The following FAT1 variants were observed in gnomAD, a reference collection of about 807,000 sequenced individuals.
The protein encoded by FAT1 is protocadherin Fat 1.
A neutral mutation model predicts 329.8 loss-of-function variants in FAT1; 171 were observed. That is an observed-to-expected ratio of 0.52 (90% confidence interval 0.46 to 0.59). The LOEUF is 0.59. FAT1 is among the 20% of genes least tolerant of loss of function. The pLI, the probability that FAT1 is intolerant of heterozygous loss-of-function variation, is 0.00. For synonymous variants in FAT1, 2,233 were observed against 2,228.6 expected, an observed-to-expected ratio of 1.00 and a Z score of -0.06; for missense variants, 5,672 against 5,774.4, an observed-to-expected ratio of 0.98 and a Z score of 0.57.
At chr4:186,682,524 C>G (rs1743265906) in intron 2 of FAT1, among the ~76,000 whole-genome samples, 1 of 19,974 alleles carries the variant, frequency 5.0e-5, no homozygotes, top group African/African-American at 2.2e-4. Flanking sequence ...GAGACTCTGT[C>G]TCAAAAAAAA....
chr4:186,638,749 A>G (rs890861691), intron 4 of FAT1, among the ~76,000 whole-genome samples: 2 of 152,174 alleles, frequency 1.3e-5, no homozygotes, highest in African/African-American at 4.8e-5. Context: ...CAGCAATATT[A>G]AAAGAAATTT....
intron 2 of FAT1, among the ~76,000 whole-genome samples, chr4:186,692,842 C>T (rs377590400): frequency 2.0e-5 from 3 of 152,116 alleles, no homozygotes; most frequent in Non-Finnish European, 2.9e-5. Context: ...ATGAGAAAAA[C>T]GAACATCTGC....
At chr4:186,715,296 A>G (rs1745161121) in intron 1 of FAT1, among the ~76,000 whole-genome samples, 1 of 150,030 alleles carries the variant, frequency 6.7e-6, no homozygotes, top group Admixed American at 6.6e-5. Flanking sequence ...CCAAACATGC[A>G]ATTACCTTCC....
chr4:186,609,194 C>T lies in FAT1; in HGVS notation c.10195G>A (p.Asp3399Asn), dbSNP rs768392442. 22 of 1,611,896 alleles carry T rather than the reference C, an allele frequency of 1.4e-5. No homozygotes were observed. The highest frequency in any genetic ancestry group is 8.4e-5 in the Admixed American group (5 of 59,274). ...RGEVKVTKLL[D>N]RETISGYTLT... The stretch of plus-strand genomic sequence containing the variant: ...CCTTTTTCACTTACCGTTTCTCGGT[C>T]GAGAAGTTTGGTCACTTTGACTTCT... Residue 3399 changes from aspartate to asparagine, a missense_variant, in exon 16 of 27, where the codon GAC becomes AAC. This residue lies in a region of FAT1 where 1,706 missense variants were observed against 1,859.1 expected (regional missense o/e 0.92). Coordinates refer to ENST00000441802, the MANE Select transcript of FAT1 (RefSeq NM_005245.4).
chr4:186,664,568 T>C (rs1742341111), intron 2 of FAT1, among the ~76,000 whole-genome samples: 1 of 152,150 alleles, frequency 6.6e-6, no homozygotes, highest in Non-Finnish European at 1.5e-5. Context: ...AGGGTTAGAG[T>C]ATCTGTAATG....
intron 3 of FAT1, among the ~76,000 whole-genome samples, chr4:186,662,677 G>C (rs1163798848): frequency 1.3e-5 from 2 of 152,136 alleles, no homozygotes; most frequent in Non-Finnish European, 2.9e-5. Context: ...ATTCTTAGCA[G>C]CAGTAGAATT....
intron 2 of FAT1, among the ~76,000 whole-genome samples, chr4:186,703,915 A>AT: frequency 6.6e-6 from 1 of 152,274 alleles, no homozygotes; most frequent in South Asian, 2.1e-4. Context: ...AAATATACTG[A>AT]TTTTTCCTAA....
At chr4:186,621,906 A>G (rs1740069097) in intron 9 of FAT1, 131 bp from the exon 10 acceptor site, 2 of 592,196 alleles carry the variant, frequency 3.4e-6, no homozygotes, top group Middle Eastern at 4.4e-4. Flanking sequence ...GGGGATGTCA[A>G]TATTTGAATG....
Position 186,613,389 on chromosome 4 carries a change from T to C in FAT1, c.9230-47A>G, listed in dbSNP as rs762627904. On this transcript the variant is annotated intron_variant, in intron 12 of 26. Coordinates refer to ENST00000441802, the MANE Select transcript of FAT1 (RefSeq NM_005245.4). Reference sequence around the variant, plus strand: ...CTCACTTGTAATTTAAGACGTGACTTGCAGTTGTACATCTTATTTCCTCCC... The same window carrying C: ...CTCACTTGTAATTTAAGACGTGACTCGCAGTTGTACATCTTATTTCCTCCC... 2.2e-6 allele frequency: 3 copies of C among 1,370,004 alleles called. No homozygotes were observed. The East Asian group carries it at 6.9e-5, about 31-fold the overall frequency. 84.9% of individuals were successfully genotyped at this position (1,370,004 alleles called of 1,614,324 possible). A position where few individuals can be genotyped will look rare whatever the true frequency, so the allele number is the denominator to read the frequency against.
At chr4:186,623,534 T>C (rs1038865809) in intron 9 of FAT1, among the ~76,000 whole-genome samples, 1 of 152,312 alleles carries the variant, frequency 6.6e-6, no homozygotes, top group Non-Finnish European at 1.5e-5. Flanking sequence ...ACTTCTCTCT[T>C]ATTGTACAGG....
At chr4:186,682,815 C>G (rs1743291827) in intron 2 of FAT1, among the ~76,000 whole-genome samples, 1 of 152,188 alleles carries the variant, frequency 6.6e-6, no homozygotes. Flanking sequence ...ACAAACACCA[C>G]TGAGGGCCCC....
At chr4:186,712,861 A>G (rs991937083) in intron 1 of FAT1, among the ~76,000 whole-genome samples, 1 of 152,134 alleles carries the variant, frequency 6.6e-6, no homozygotes, top group Non-Finnish European at 1.5e-5. Context: ...GCAGAAAGTC[A>G]CACCCCGCAG....
At chr4:186,630,633 C>G (rs1366953259) in intron 7 of FAT1, among the ~76,000 whole-genome samples, 1 of 152,140 alleles carries the variant, frequency 6.6e-6, no homozygotes, top group African/African-American at 2.4e-5. Flanking sequence ...TACTGGGTGA[C>G]AGGCTCTCAG....
chr4:186,612,608 A>C (rs1262249974), intron 13 of FAT1, among the ~76,000 whole-genome samples: 1 of 152,226 alleles, frequency 6.6e-6, no homozygotes, highest in Non-Finnish European at 1.5e-5. Context: ...ATCCAAAAAT[A>C]CTTCTAGTTC....
At chr4:186,661,856 G>T (rs1434779490) in intron 3 of FAT1, among the ~76,000 whole-genome samples, 2 of 152,042 alleles carry the variant, frequency 1.3e-5, no homozygotes, top group African/African-American at 4.8e-5. Flanking sequence ...GAGTTTCAGA[G>T]GCCTCGGCTT....
Position 186,723,754 on chromosome 4 carries a change from C to T in FAT1, c.-109G>A, listed in dbSNP as rs1164394664. The stretch of plus-strand genomic sequence containing the variant: ...CGAGCAGGGACCGGGCCTGCCGGGG[C>T]CCTCGCCGGGCTCGCGCGTCCGCAT... On this transcript the variant is annotated 5_prime_UTR_variant, in exon 1 of 27. Transcript: ENST00000441802. 3 of 150,948 alleles carry T rather than the reference C, an allele frequency of 2.0e-5. No homozygotes were observed. The highest frequency in any genetic ancestry group is 2.0e-4 in the Admixed American group (3 of 15,178). The allele number at this position is 150,948 out of a possible 1,614,324, so 9.4% of individuals were successfully genotyped here. A position where few individuals can be genotyped will look rare whatever the true frequency, so the allele number is the denominator to read the frequency against.
chr4:186,624,539 A>G (rs1740203735), intron 9 of FAT1, among the ~76,000 whole-genome samples: 1 of 152,236 alleles, frequency 6.6e-6, no homozygotes, highest in African/African-American at 2.4e-5. Flanking sequence ...TTTTTTAAAA[A>G]GATGTAAGAA....
chr4:186,707,928 A>C lies in FAT1; in HGVS notation c.1900T>G (p.Leu634Val), dbSNP rs776530438. The change falls in exon 2 of 27, where the codon TTA becomes GTA. Residue 634 changes from leucine to valine, a missense_variant. Around this residue, in one of 2 missense-constraint regions of FAT1, gnomAD observed 3,966 missense variants for 3,915.2 expected, o/e 1.01. Transcript: ENST00000441802. ...LSLKRSLMDG[L>V]GAKVSFHSLR... ...CTGTGGAAAGACACCTTTGCACCTA[A>C]GCCATCCATTAGCGATCGCTTTAAT... is the stretch of plus-strand genomic sequence containing the variant. 2.5e-6 allele frequency: 4 copies of C among 1,613,994 alleles called. No individual in the cohort carries two copies. The South Asian group carries it at 4.4e-5, about 18-fold the overall frequency.
chr4:186,639,129 T>A (rs72716275), intron 4 of FAT1, among the ~76,000 whole-genome samples: 3 of 152,104 alleles, frequency 2.0e-5, no homozygotes, highest in Non-Finnish European at 2.9e-5. Context: ...AAATTATCCA[T>A]GAGAATGAGA....
Sources: allele counts gnomAD v4.1 joint callset (sites outside exome capture counted in the v4.1 genomes callset), GRCh38; gene constraint gnomAD v4.1.1; regional missense constraint gnomAD v4.1.1; transcripts MANE v1.5; gene names NCBI Gene and HGNC (gene_info 2026-07-23, HGNC 2026-07-21).